BANF2: variants seen among roughly 807,000 people sequenced by gnomAD.
BANF2 encodes barrier-to-autointegration factor-like protein.
In BANF2, 4 loss-of-function variants were observed where a neutral mutation model predicts 8.0. The observed-to-expected ratio is 0.50, with a 90% CI of 0.25 to 1.14. The LOEUF (loss-of-function observed/expected upper bound fraction) is 1.14. BANF2 is among the 50% of genes most tolerant of loss of function. The probability of loss-of-function intolerance (pLI) is 0.16; values close to 1 mark genes in which losing one functional copy is unlikely to be tolerated. For missense variants in BANF2, 96 were observed against 107.5 expected, an observed-to-expected ratio of 0.89 and a Z score of 0.47; for synonymous variants, 50 against 40.6, an observed-to-expected ratio of 1.23 and a Z score of -0.88.
Position 17,700,068 on chromosome 20 carries a change from A to G in BANF2, c.-167+13A>G. On this transcript the variant is annotated intron_variant, in intron 1 of 3. Coordinates refer to ENST00000246090, the MANE Select transcript of BANF2 (RefSeq NM_178477.5). ...TCAGGAGCACCTGGTGAGTATTCAG[A>G]ACTTTCCCAAGCAGCATGGAAGGAG... is the stretch of plus-strand genomic sequence containing the variant. 1 of 936,906 alleles carries G rather than the reference A, an allele frequency of 1.1e-6. No homozygotes were observed. The highest frequency in any genetic ancestry group is 1.3e-6 in the Non-Finnish European group (1 of 785,672). The allele number at this position is 936,906 out of a possible 1,614,324, so 58.0% of individuals were successfully genotyped here. A position where few individuals can be genotyped will look rare whatever the true frequency, so the allele number is the denominator to read the frequency against.
chr20:17,693,942 T>C (rs1320796049), intron 1 of BANF2, among the ~76,000 whole-genome samples: 3 of 152,358 alleles, frequency 2.0e-5, no homozygotes, highest in Admixed American at 2.0e-4. Context: ...AGCGTTCAGA[T>C]CTATGGCCGA....
chr20:17,729,192 T>C (rs1018543325), intron 3 of BANF2, among the ~76,000 whole-genome samples: 2 of 152,204 alleles, frequency 1.3e-5, no homozygotes, highest in African/African-American at 4.8e-5. Context: ...TCGCTGTGCC[T>C]GGCTCTAGCT....
chr20:17,699,008 C>T (rs1198603064), upstream of BANF2, among the ~76,000 whole-genome samples: 1 of 152,166 alleles, frequency 6.6e-6, no homozygotes, highest in Admixed American at 6.5e-5. Context: ...CATGTGGGAA[C>T]GTGTAAGAAA....
chr20:17,697,811 C>G (rs1362276356), upstream of BANF2, among the ~76,000 whole-genome samples: 2 of 152,092 alleles, frequency 1.3e-5, no homozygotes, highest in Non-Finnish European at 2.9e-5. Context: ...GGAAGTGGGG[C>G]CTGGTGGGCG....
chr20:17,712,489 A>G, intron 1 of BANF2: 1 of 977,958 alleles, frequency 1.0e-6, no homozygotes, highest in Non-Finnish European at 1.2e-6. Context: ...AACCTTCCTG[A>G]CTCTACCCAC....
chr20:17,719,270 G>A (rs752054460), intron 1 of BANF2, among the ~76,000 whole-genome samples: 10 of 152,076 alleles, frequency 6.6e-5, no homozygotes, highest in Non-Finnish European at 1.3e-4. Flanking sequence ...AATTACAGGT[G>A]CCTGCCCCCA....
At chr20:17,709,005 C>T (rs985918194) in intron 1 of BANF2, among the ~76,000 whole-genome samples, 4 of 152,210 alleles carry the variant, frequency 2.6e-5, no homozygotes, top group Non-Finnish European at 5.9e-5. Context: ...AGATACTGCT[C>T]AGGTGATAAT....
chr20:17,693,741 T>G (rs1293159569), intron 1 of BANF2: 5 of 1,550,426 alleles, frequency 3.2e-6, no homozygotes, highest in Non-Finnish European at 4.4e-6. Context: ...TTGCTCACGG[T>G]GGGGAAGAGA....
chr20:17,695,040 T>C (rs2037334635), upstream of BANF2, among the ~76,000 whole-genome samples: 1 of 152,124 alleles, frequency 6.6e-6, no homozygotes. Flanking sequence ...GAGGAAGTAG[T>C]GGGACAGGGA....
chr20:17,721,827 T>C lies in BANF2; in HGVS notation c.-166-889T>C, dbSNP rs529475830. Among the ~76,000 whole-genome samples the C allele has an allele frequency of 2.6e-5, 4 of 152,372 alleles. No homozygotes were observed. The South Asian group carries it at 6.2e-4, about 24-fold the overall frequency. On this transcript the variant is annotated intron_variant, in intron 1 of 3. Coordinates refer to ENST00000246090, the MANE Select transcript of BANF2 (RefSeq NM_178477.5). The stretch of plus-strand genomic sequence containing the variant: ...TTATATGAGATTAGAAGTGTATTTA[T>C]TGTTTCAGACCACATGGGGCAGGAT...
upstream of BANF2, chr20:17,699,951 T>A: frequency 1.0e-6 from 1 of 983,056 alleles, no homozygotes; most frequent in South Asian, 4.7e-5. Context: ...TGAGACTGAT[T>A]TGCCCCATGG....
intron 1 of BANF2, among the ~76,000 whole-genome samples, chr20:17,716,986 G>A (rs2037664439): frequency 6.6e-6 from 1 of 152,108 alleles, no homozygotes; most frequent in South Asian, 2.1e-4. Context: ...CAAATTGTTG[G>A]GATTACAGGA....
At position 17,725,036 on chromosome 20, in the gene BANF2, T is replaced by C. The variant is rs1328291467; in HGVS notation, c.11T>C (p.Met4Thr). Residue 4 changes from methionine (M) to threonine (T), a missense_variant, in exon 3 of 4, where the codon ATG becomes ACG. Met to Thr is a moderately conservative substitution (Grantham distance 81). Transcript: ENST00000246090. MDNMSPRLRAFLSE... is the reference protein window; with the variant it reads MDNTSPRLRAFLSE... ...CTGCTGTCGCAGGAGATGGACAACA[T>C]GTCTCCCAGGCTGAGAGCCTTCCTC... 3 of 1,607,060 alleles carry C rather than the reference T, an allele frequency of 1.9e-6. No homozygotes were observed. Among genetic ancestry groups the C allele is most frequent in the Non-Finnish European group, 2.6e-6 (3 of 1,173,796 alleles).
At chr20:17,735,446 G>T (rs561309247) in intron 3 of BANF2, among the ~76,000 whole-genome samples, 2 of 152,120 alleles carry the variant, frequency 1.3e-5, no homozygotes, top group Admixed American at 6.5e-5. Context: ...TGGACGGCCC[G>T]CAAACCAGCC....
chr20:17,716,841 C>CAAAAAAAAAA (rs36007590), intron 1 of BANF2, among the ~76,000 whole-genome samples: 4 of 89,742 alleles, frequency 4.5e-5, no homozygotes, highest in African/African-American at 8.8e-5. Flanking sequence ...GACTCCATCT[C>CAAAAAAAAAA]AAAAAAAAAA....
chr20:17,693,710 A>G (rs1467006567), intron 1 of BANF2: 21 of 1,551,496 alleles, frequency 1.4e-5, no homozygotes, highest in Middle Eastern at 1.7e-4. Flanking sequence ...AACAAAGGTA[A>G]GGCAGATTGG....
intron 1 of BANF2, among the ~76,000 whole-genome samples, chr20:17,700,565 T>A (rs937759590): frequency 6.6e-6 from 1 of 152,204 alleles, no homozygotes; most frequent in African/African-American, 2.4e-5. Context: ...ATCCACCTCC[T>A]GGTGACCTGC....
intron 3 of BANF2, among the ~76,000 whole-genome samples, chr20:17,726,519 C>T (rs1441249995): frequency 2.0e-5 from 3 of 152,144 alleles, no homozygotes; most frequent in Non-Finnish European, 2.9e-5. Flanking sequence ...AGAAATCATT[C>T]TTCTTTTTAC....
intron 1 of BANF2, among the ~76,000 whole-genome samples, chr20:17,694,858 G>T (rs1442511975): frequency 2.0e-5 from 3 of 151,940 alleles, no homozygotes; most frequent in Non-Finnish European, 4.4e-5. Context: ...CCGGACTCAA[G>T]CAATCTTCCT....
Sources: gnomAD v4.1 joint callset for allele counts (sites outside exome capture counted in the v4.1 genomes callset) on GRCh38, gnomAD v4.1.1 for gene constraint, MANE v1.5 for transcripts, NCBI Gene and HGNC (gene_info 2026-07-23, HGNC 2026-07-21) for gene names.